Variants in CAST observed in about 807,000 individuals in gnomAD.
CAST encodes calpastatin.
CAST carries 76 observed loss-of-function variants against 119.6 expected under a neutral mutation model. The ratio of observed to expected loss-of-function variants is 0.64; its 90% CI spans 0.53 to 0.77. The LOEUF (loss-of-function observed/expected upper bound fraction) is 0.77, where lower values mean the gene tolerates loss of function less well. Among genes scored for constraint, CAST ranks in the 30% least tolerant of loss-of-function variants. The pLI is 0.00. For synonymous variants in CAST, 319 were observed against 331.6 expected (o/e 0.96, Z 0.41); for missense variants, 953 against 946.5 (o/e 1.01, Z -0.09).
chr5:96,447,881 C>T, the CAST span, among the ~76,000 whole-genome samples: 2 of 152,006 alleles, frequency 1.3e-5, no homozygotes, highest in African/African-American at 4.8e-5. Context: ...AACCCCATGT[C>T]CGCTCTGATC....
chr5:96,168,180 G>A, the CAST span, among the ~76,000 whole-genome samples: 1 of 152,154 alleles, frequency 6.6e-6, no homozygotes, highest in Non-Finnish European at 1.5e-5. Context: ...GGCCAGATGA[G>A]AAGGAGAAAA....
chr5:96,125,625 G>A, the CAST span, among the ~76,000 whole-genome samples: 5 of 152,102 alleles, frequency 3.3e-5, no homozygotes, highest in Admixed American at 2.6e-4. Context: ...TATAATTATA[G>A]TACTATCCTC....
the CAST span, among the ~76,000 whole-genome samples, chr5:96,357,460 C>T: frequency 6.6e-6 from 1 of 152,114 alleles, no homozygotes; most frequent in Non-Finnish European, 1.5e-5. Flanking sequence ...ACGATATTGG[C>T]TGTGGGTTTG....
At chr5:96,754,359 G>A (rs564239258) in intron 21 of CAST, among the ~76,000 whole-genome samples, 198 bp downstream of exon 21, 16 of 152,268 alleles carry the variant, frequency 1.1e-4, no homozygotes, top group South Asian at 4.2e-4. Flanking sequence ...GTGGATGGTC[G>A]ACATGCACAG....
chr5:96,412,187 T>C, the CAST span: 1 of 865,414 alleles, frequency 1.2e-6, no homozygotes, highest in Non-Finnish European at 1.9e-6. Flanking sequence ...TCTAAGTGCA[T>C]TTAAAATTGT....
the CAST span, among the ~76,000 whole-genome samples, chr5:95,975,099 G>A: frequency 8.5e-5 from 13 of 152,218 alleles, 2 homozygotes; most frequent in South Asian, 2.1e-3. Context: ...TTCACAGGAT[G>A]GGCCAGATTT....
At chr5:96,749,535 T>C (rs1194354517) in intron 19 of CAST, among the ~76,000 whole-genome samples, 1 of 152,142 alleles carries the variant, frequency 6.6e-6, no homozygotes, top group Non-Finnish European at 1.5e-5. Flanking sequence ...TCTGTTCTTT[T>C]TGTTTGTTTG....
the CAST span, among the ~76,000 whole-genome samples, chr5:96,519,803 C>T: frequency 2.0e-5 from 3 of 152,124 alleles, no homozygotes; most frequent in Non-Finnish European, 2.9e-5. Flanking sequence ...GATGGGGTTT[C>T]GCCATGTTGG....
the CAST span, among the ~76,000 whole-genome samples, chr5:96,380,065 A>G: frequency 1.3e-5 from 2 of 152,190 alleles, no homozygotes; most frequent in Admixed American, 6.5e-5. Flanking sequence ...TAACACGGCA[A>G]TTCTTAAATT....
intron 24 of CAST, chr5:96,761,097 A>C (rs761511028): frequency 6.6e-6 from 1 of 152,162 alleles, no homozygotes; most frequent in Non-Finnish European, 1.5e-5. Flanking sequence ...GAGAGTGAAA[A>C]ATCATTATTT....
At chr5:96,299,276 CAACAACAACAACAACAAA>C in the CAST span, among the ~76,000 whole-genome samples, 1 of 149,514 alleles carries the variant, frequency 6.7e-6, no homozygotes, top group African/African-American at 2.5e-5. Flanking sequence ...ACAACAACAA[CAACAACAACAACAACAAA>C]CAAACAAAAA....
intron 2 of CAST, chr5:96,679,773 A>C (rs563796630): frequency 2.5e-4 from 38 of 152,164 alleles, no homozygotes; most frequent in Non-Finnish European, 4.7e-4. Flanking sequence ...AGAATGCATG[A>C]ATTCAATGTT....
chr5:96,206,865 A>T, the CAST span, among the ~76,000 whole-genome samples: 1 of 152,072 alleles, frequency 6.6e-6, no homozygotes, highest in South Asian at 2.1e-4. Context: ...GTTTGATAGG[A>T]ATAGCATTGA....
At chr5:96,359,633 T>C in the CAST span, among the ~76,000 whole-genome samples, 2 of 152,254 alleles carry the variant, frequency 1.3e-5, no homozygotes, top group Non-Finnish European at 2.9e-5. Context: ...TTGAAAATTC[T>C]TTTCTTTAAG....
At chr5:96,082,749 T>C in the CAST span, among the ~76,000 whole-genome samples, 1 of 152,180 alleles carries the variant, frequency 6.6e-6, no homozygotes, top group African/African-American at 2.4e-5. Flanking sequence ...GCCTGGATTA[T>C]TTATAAAAGA....
At chr5:96,399,382 A>G in the CAST span, among the ~76,000 whole-genome samples, 6 of 152,218 alleles carry the variant, frequency 3.9e-5, no homozygotes, top group African/African-American at 7.2e-5. Flanking sequence ...TTGTGTGAGC[A>G]GGTCTTCAGT....
At chr5:96,692,544 T>C (rs986746196) in intron 2 of CAST, among the ~76,000 whole-genome samples, 2 of 152,120 alleles carry the variant, frequency 1.3e-5, no homozygotes, top group African/African-American at 4.8e-5. Flanking sequence ...TTCTTTCTGC[T>C]CCTCCTGCTT....
At chr5:96,328,552 A>G in the CAST span, among the ~76,000 whole-genome samples, 3 of 152,132 alleles carry the variant, frequency 2.0e-5, no homozygotes, top group African/African-American at 4.8e-5. Context: ...ATTTTAATGG[A>G]GAAAAAGATT....
chr5:96,239,396 G>A, the CAST span, among the ~76,000 whole-genome samples: 1 of 152,054 alleles, frequency 6.6e-6, no homozygotes, highest in African/African-American at 2.4e-5. Context: ...TCTCCTGACA[G>A]GAGTTTTGAG....
Sources: allele counts gnomAD v4.1 joint callset (sites outside exome capture counted in the v4.1 genomes callset), GRCh38; gene constraint gnomAD v4.1.1; transcripts MANE v1.5; gene names NCBI Gene and HGNC (gene_info 2026-07-23, HGNC 2026-07-21).